POF1B: variants seen among roughly 807,000 people sequenced by gnomAD.
POF1B encodes protein POF1B.
Under a neutral mutation model 55.3 loss-of-function variants are expected in POF1B, and 53 were observed. That is an observed-to-expected ratio of 0.96 (90% CI 0.77 to 1.20). POF1B has a LOEUF of 1.20. Among genes scored for constraint, POF1B ranks in the 50% most tolerant of loss-of-function variants. POF1B has a pLI of 0.00. For synonymous variants in POF1B, 188 were observed against 148.3 expected (o/e 1.27, Z -1.95); for missense variants, 478 against 420.5 (o/e 1.14, Z -1.20).
At chrX:85,308,674 TTTTTG>T (rs1216803329) in intron 9 of POF1B, among the ~76,000 whole-genome samples, 2 of 111,464 alleles carry the variant, frequency 1.8e-5, no homozygotes, top group Non-Finnish European at 1.9e-5. Flanking sequence ...TTTTTGGTTT[TTTTTG>T]TTTTGTTTTT....
chrX:85,292,260 C>T (rs1348286020), intron 15 of POF1B, among the ~76,000 whole-genome samples: 1 of 112,116 alleles, frequency 8.9e-6, no homozygotes, highest in Non-Finnish European at 1.9e-5. Context: ...ATATGTCTAA[C>T]CAACCTTGCA....
chrX:85,351,089 A>G (rs1484432391), intron 5 of POF1B, among the ~76,000 whole-genome samples: 1 of 111,750 alleles, frequency 8.9e-6, no homozygotes, highest in Non-Finnish European at 1.9e-5. Flanking sequence ...TATTAAGTTC[A>G]GATTCTGCCA....
chrX:85,311,097 A>G (rs1468259930), intron 9 of POF1B, among the ~76,000 whole-genome samples: 1 of 111,880 alleles, frequency 8.9e-6, no homozygotes, highest in African/African-American at 3.2e-5. Flanking sequence ...GAAGTTGTCT[A>G]AAGAGAAGAA....
At chrX:85,314,289 A>G (rs773684442) in intron 9 of POF1B, 143 bp downstream of exon 9, 121 of 430,930 alleles carry the variant, frequency 2.8e-4, no homozygotes, top group Middle Eastern at 3.7e-4. Context: ...AAACTGAAAT[A>G]TATCCCTTGT....
chrX:85,316,756 G>A (rs922466210), intron 7 of POF1B, among the ~76,000 whole-genome samples: 8 of 110,477 alleles, frequency 7.2e-5, no homozygotes, highest in African/African-American at 2.6e-4. Flanking sequence ...AGGGGTACAT[G>A]TACAGGTTTG....
At chrX:85,323,713 C>T (rs1402388778) in intron 7 of POF1B, among the ~76,000 whole-genome samples, 1 of 111,172 alleles carries the variant, frequency 9.0e-6, no homozygotes, top group African/African-American at 3.3e-5. Context: ...GTCTCAATTT[C>T]CTTCAGTTCA....
Position 85,345,995 on chromosome X carries a change from G to A in POF1B, c.588C>T (p.Pro196=). The A allele has an allele frequency of 1.7e-6, 2 of 1,201,333 alleles. No homozygotes were observed. Among genetic ancestry groups the A allele is most frequent in the South Asian group, 3.6e-5 (2 of 54,968 alleles). The change falls in exon 6 of 17, where the codon CCC becomes CCT. Residue 196 remains proline (P), a synonymous_variant. Transcript: ENST00000262753. ...AQCHHHIIQQ[P]QVIHSAHWQQ... The stretch of plus-strand genomic sequence containing the variant: ...GCCAGTGTGCAGAGTGGATGACCTG[G>A]GGCTGTTGGATAATGTGATGATGGC...
chrX:85,281,089 T>C (rs903122646), intron 16 of POF1B, among the ~76,000 whole-genome samples: 1 of 110,658 alleles, frequency 9.0e-6, no homozygotes, highest in African/African-American at 3.3e-5. Flanking sequence ...AGGGAATATA[T>C]AGTTGGCCCT....
intron 6 of POF1B, among the ~76,000 whole-genome samples, chrX:85,336,379 C>T (rs1933074481): frequency 2.7e-5 from 3 of 110,943 alleles, no homozygotes; most frequent in Non-Finnish European, 5.7e-5. Flanking sequence ...TGAGGAACCT[C>T]CAAACTGTTC....
intron 3 of POF1B, among the ~76,000 whole-genome samples, chrX:85,367,417 A>G (rs1933743285): frequency 8.9e-6 from 1 of 112,030 alleles, no homozygotes. Flanking sequence ...TATTTCATCC[A>G]TACTCACTTG....
intron 6 of POF1B, among the ~76,000 whole-genome samples, chrX:85,345,576 A>T (rs1053692849): frequency 4.5e-5 from 5 of 111,224 alleles, no homozygotes; most frequent in Non-Finnish European, 9.5e-5. Context: ...AACATTGCAC[A>T]ACTGTTGGGC....
chrX:85,291,712 G>C (rs925870721), intron 15 of POF1B, among the ~76,000 whole-genome samples: 1 of 109,213 alleles, frequency 9.2e-6, no homozygotes, highest in African/African-American at 3.3e-5. Flanking sequence ...TTCTGATTTC[G>C]CTCTCTGCTT....
intron 4 of POF1B, among the ~76,000 whole-genome samples, chrX:85,353,339 G>T (rs1933426114): frequency 9.0e-6 from 1 of 110,683 alleles, no homozygotes; most frequent in East Asian, 2.9e-4. Flanking sequence ...TTAAACAGGG[G>T]TATGAGGTGA....
chrX:85,314,380 GA>G, intron 9 of POF1B, 51 bp downstream of exon 9: 2 of 957,643 alleles, frequency 2.1e-6, no homozygotes, highest in Non-Finnish European at 2.8e-6. Context: ...AGCAACCTAG[GA>G]AGCTGTTTGT....
intron 3 of POF1B, among the ~76,000 whole-genome samples, chrX:85,360,531 ATATATATATATATATATATATAT>A (rs1569297526): frequency 1.4e-5 from 1 of 73,606 alleles, no homozygotes; most frequent in Non-Finnish European, 2.2e-5. Context: ...TGGTATGTAT[ATATATATATATATATATATATAT>A]ATATACATAT....
intron 15 of POF1B, among the ~76,000 whole-genome samples, chrX:85,288,671 A>G (rs914152388): frequency 1.3e-4 from 15 of 111,135 alleles, no homozygotes; most frequent in African/African-American, 4.9e-4. Context: ...GGTCTTTCCC[A>G]TGCTATTTTC....
rs186539470 is a variant in POF1B, at chrX:85,313,396, A to G, written c.957+1036T>C. ...AGTTTTTAGCATGAAGCGGTGTTGAATTTTATCAAAGGCCTTTTCTGCCTT... is the reference window on the plus strand; with the variant it reads ...AGTTTTTAGCATGAAGCGGTGTTGAGTTTTATCAAAGGCCTTTTCTGCCTT... On this transcript the variant is annotated intron_variant, in intron 9 of 16. Coordinates refer to ENST00000262753, the MANE Select transcript of POF1B (RefSeq NM_024921.4). Among the ~76,000 whole-genome samples, 3 of 111,800 alleles carry G rather than the reference A, an allele frequency of 2.7e-5. No homozygotes were observed. The East Asian group carries it at 8.4e-4, about 31-fold the overall frequency.
At chrX:85,337,157 G>C (rs768110442) in intron 6 of POF1B, among the ~76,000 whole-genome samples, 9 of 111,551 alleles carry the variant, frequency 8.1e-5, no homozygotes, top group Non-Finnish European at 1.5e-4. Flanking sequence ...TCATCTATGT[G>C]TTTGTTTTAT....
Position 85,351,448 on chromosome X carries a change from G to A in POF1B, c.442C>T (p.Pro148Ser). 1 of 1,163,532 alleles carries A rather than the reference G, an allele frequency of 8.6e-7. No individual in the cohort carries two copies. The highest frequency in any genetic ancestry group is 1.2e-6 in the Non-Finnish European group (1 of 860,541). ...CTTCCTCTTAGGAATTGAGACAGTGGTTCCTAAAATGATAGTAAATTATAT... is the reference window on the plus strand; with the variant it reads ...CTTCCTCTTAGGAATTGAGACAGTGATTCCTAAAATGATAGTAAATTATAT... ...KYVVQNPEQE[P>S]LSQFLRGSHF... is the part of the protein sequence containing the mutation. Residue 148 changes from proline (P) to serine (S), a missense_variant, in exon 5 of 17, where the codon CCA (proline) becomes TCA (serine). Pro to Ser is a moderately conservative substitution (Grantham distance 74). Coordinates refer to ENST00000262753, the MANE Select transcript of POF1B (RefSeq NM_024921.4).
Sources: gnomAD v4.1 joint callset for allele counts (sites outside exome capture counted in the v4.1 genomes callset) on GRCh38, gnomAD v4.1.1 for gene constraint, MANE v1.5 for transcripts, NCBI Gene and HGNC (gene_info 2026-07-23, HGNC 2026-07-21) for gene names.